TGFBI: variants seen among roughly 807,000 people sequenced by gnomAD.
TGFBI encodes transforming growth factor-beta-induced protein ig-h3.
TGFBI carries 50 observed loss-of-function variants against 73.7 expected under a neutral mutation model. The observed-to-expected ratio is 0.68, with a 90% CI of 0.54 to 0.86. The LOEUF (loss-of-function observed/expected upper bound fraction) is 0.86, where lower values mean the gene tolerates loss of function less well. Ranked by LOEUF, TGFBI falls within the 40% of genes least tolerant of loss-of-function variation. TGFBI has a pLI of 0.00. For synonymous variants in TGFBI, 362 were observed against 360.5 expected, an observed-to-expected ratio of 1.00 and a Z score of -0.05; for missense variants, 839 against 877.0, an observed-to-expected ratio of 0.96 and a Z score of 0.55.
intron 1 of TGFBI, among the ~76,000 whole-genome samples, chr5:136,030,705 C>T (rs576662052): frequency 1.3e-5 from 2 of 152,146 alleles, no homozygotes; most frequent in African/African-American, 4.8e-5. Context: ...CCCACCTCTC[C>T]GTTGGTCTCT....
chr5:136,030,635 T>C (rs985831024), intron 1 of TGFBI, among the ~76,000 whole-genome samples: 4 of 152,138 alleles, frequency 2.6e-5, no homozygotes, highest in African/African-American at 7.2e-5. Context: ...GTCAGAAAGA[T>C]GAGAGGGATA....
At chr5:136,041,125 C>A (rs991941433) in intron 2 of TGFBI, among the ~76,000 whole-genome samples, 5 of 152,254 alleles carry the variant, frequency 3.3e-5, no homozygotes, top group Admixed American at 2.0e-4. Flanking sequence ...GCTTTGACAC[C>A]TTCCCAGCCC....
intron 10 of TGFBI, 159 bp downstream of exon 10, chr5:136,055,020 A>T: frequency 1.2e-6 from 1 of 869,370 alleles, no homozygotes; most frequent in Non-Finnish European, 1.8e-6. Context: ...ACAAAATGAG[A>T]TCCTGCAGAA....
Position 136,053,035 on chromosome 5 carries a change from G to T in TGFBI, c.1042G>T (p.Gly348Trp), listed in dbSNP as rs370797081. 5.6e-6 allele frequency: 9 copies of T among 1,613,908 alleles called. No individual in the cohort carries two copies. The African/African-American group carries it at 1.2e-4, about 22-fold the overall frequency. Residue 348 changes from glycine to tryptophan, a missense_variant, in exon 8 of 17, where the codon GGG becomes TGG. Transcript: ENST00000442011. ...CAGCGGGGACATGCTCACTATCAAC[G>T]GGAAGGCGATCATCTCCAATAAAGA... is the stretch of plus-strand genomic sequence containing the variant. ...GCSGDMLTIN[G>W]KAIISNKDIL...
intron 14 of TGFBI, chr5:136,061,177 G>T (rs1047458993): frequency 3.5e-6 from 2 of 579,638 alleles, no homozygotes; most frequent in Non-Finnish European, 3.1e-6. Flanking sequence ...GCTCCCCTCG[G>T]ACACAGCCCA....
Position 136,063,210 on chromosome 5 carries a change from A to C in TGFBI, c.2036A>C (p.Glu679Ala), listed in dbSNP as rs774575626. Reference sequence around the variant, plus strand: ...GCCCCTGTCTATCAAAAGTTATTAGAGAGGATGAAGCATTAGCTTGAAGCA... The same window carrying C: ...GCCCCTGTCTATCAAAAGTTATTAGCGAGGATGAAGCATTAGCTTGAAGCA... ...RLAPVYQKLLERMKH is the reference protein window; with the variant it reads ...RLAPVYQKLLARMKH Residue 679 changes from glutamate to alanine, a missense_variant, in exon 17 of 17, where the codon GAG (glutamate) becomes GCG (alanine). Coordinates refer to ENST00000442011, the MANE Select transcript of TGFBI (RefSeq NM_000358.3). The C allele has an allele frequency of 6.2e-7, 1 of 1,613,854 alleles. No individual in the cohort carries two copies. Among genetic ancestry groups the C allele is most frequent in the South Asian group, 1.1e-5 (1 of 91,012 alleles).
chr5:136,059,347 C>A, intron 13 of TGFBI, 133 bp downstream of exon 13: 3 of 1,321,244 alleles, frequency 2.3e-6, no homozygotes, highest in Non-Finnish European at 3.0e-6. Context: ...GTAATTCGTC[C>A]AAAGAAAAAG....
chr5:136,035,100 C>A (rs1301665255), intron 2 of TGFBI, among the ~76,000 whole-genome samples: 1 of 152,148 alleles, frequency 6.6e-6, no homozygotes, highest in East Asian at 1.9e-4. Context: ...CATGGCACAG[C>A]TGGGGAGATA....
At chr5:136,034,059 C>A (rs569425888) in intron 2 of TGFBI, among the ~76,000 whole-genome samples, 198 bp downstream of exon 2, 62 of 152,186 alleles carry the variant, frequency 4.1e-4, no homozygotes, top group African/African-American at 1.4e-3. Context: ...TTTAAGGCTG[C>A]TGACAAGACT....
At chr5:136,051,390 A>T (rs1751529707) in intron 7 of TGFBI, among the ~76,000 whole-genome samples, 1 of 152,174 alleles carries the variant, frequency 6.6e-6, no homozygotes, top group Non-Finnish European at 1.5e-5. Flanking sequence ...AGATCATGCC[A>T]CTGCACTCCA....
Position 136,063,342 on chromosome 5 carries a change from G to T in TGFBI, c.*116G>T. 1 of 917,210 alleles carries T rather than the reference G, an allele frequency of 1.1e-6. No individual in the cohort carries two copies. Among genetic ancestry groups the T allele is most frequent in the South Asian group, 1.4e-5 (1 of 69,456 alleles). 56.8% of individuals were successfully genotyped at this position (917,210 alleles called of 1,614,324 possible). A position where few individuals can be genotyped will look rare whatever the true frequency, so the allele number is the denominator to read the frequency against. ...AAGTATCACACTTTAATGTACATGG[G>T]CCGCACCATAATGAGATGTGAGCCT... On this transcript the variant is annotated 3_prime_UTR_variant, in exon 17 of 17. Transcript: ENST00000442011.
intron 13 of TGFBI, among the ~76,000 whole-genome samples, chr5:136,059,744 A>G (rs6893691): frequency 0.58 from 88,113 of 152,098 alleles, 27,560 homozygotes; most frequent in African/African-American, 0.83. Context: ...CTGCACCTGC[A>G]GAGGCCACTG....
intron 12 of TGFBI, 23 bp downstream of exon 12, chr5:136,056,818 G>A (rs2072239): frequency 0.24 from 382,966 of 1,597,300 alleles, 48,380 homozygotes; most frequent in South Asian, 0.34. Context: ...TTAAGTACAC[G>A]TCTCCATTTT....
intron 16 of TGFBI, 50 bp from the exon 17 acceptor site, chr5:136,063,136 G>T: frequency 2.6e-6 from 4 of 1,563,600 alleles, no homozygotes; most frequent in Non-Finnish European, 3.5e-6. Flanking sequence ...GTCCTAGACA[G>T]ACATGGGGAG....
chr5:136,050,196 G>A lies in TGFBI; in HGVS notation c.913+616G>A, dbSNP rs190018436. On this transcript the variant is annotated intron_variant, in intron 7 of 16. Transcript: ENST00000442011. ...AAAAATACAAAAATTAGCTGGGCAT[G>A]GTGGTGGGCACCTGTAATCCCAGTT... Among the ~76,000 whole-genome samples the A allele has an allele frequency of 5.3e-5, 8 of 152,228 alleles. No homozygotes were observed. The East Asian group carries it at 1.4e-3, about 26-fold the overall frequency.
chr5:136,029,743 T>C (rs1200364854), intron 1 of TGFBI, among the ~76,000 whole-genome samples: 3 of 152,162 alleles, frequency 2.0e-5, no homozygotes, highest in African/African-American at 4.8e-5. Context: ...GCAAGGGCAA[T>C]GTGGCACTTC....
At chr5:136,034,471 A>C (rs1179817789) in intron 2 of TGFBI, among the ~76,000 whole-genome samples, 1 of 152,004 alleles carries the variant, frequency 6.6e-6, no homozygotes, top group African/African-American at 2.4e-5. Context: ...GATTGAATGA[A>C]ATAATGTACA....
chr5:136,056,385 C>A (rs1278934893), intron 11 of TGFBI: 5 of 395,926 alleles, frequency 1.3e-5, no homozygotes, highest in Non-Finnish European at 2.3e-5. Flanking sequence ...CTGGGTCAGC[C>A]ATACCTCTGC....
chr5:136,055,938 A>C, intron 11 of TGFBI, 122 bp downstream of exon 11: 3 of 1,059,542 alleles, frequency 2.8e-6, no homozygotes, highest in East Asian at 5.5e-5. Context: ...CTAGCAGTGC[A>C]CTGCTGCGAC....
Sources: allele counts gnomAD v4.1 joint callset (sites outside exome capture counted in the v4.1 genomes callset), GRCh38; gene constraint gnomAD v4.1.1; transcripts MANE v1.5; gene names NCBI Gene and HGNC (gene_info 2026-07-23, HGNC 2026-07-21).